CEP112: variants seen among roughly 807,000 people sequenced by gnomAD.
The protein encoded by CEP112 is centrosomal protein 112.
A neutral mutation model predicts 153.0 loss-of-function variants in CEP112; 127 were observed. That is an observed-to-expected ratio of 0.83 (90% CI 0.72 to 0.96). CEP112 has a LOEUF of 0.96. Ranked by LOEUF, CEP112 falls within the 40% of genes least tolerant of loss-of-function variation. The probability of loss-of-function intolerance (pLI) is 0.00; values close to 1 mark genes in which losing one functional copy is unlikely to be tolerated. For missense variants in CEP112, 1,089 were observed against 1,101.2 expected, an observed-to-expected ratio of 0.99 and a Z score of 0.16; for synonymous variants, 358 against 374.4, an observed-to-expected ratio of 0.96 and a Z score of 0.51.
At chr17:66,143,410 G>A (rs1363651816) in intron 4 of CEP112, among the ~76,000 whole-genome samples, 1 of 152,134 alleles carries the variant, frequency 6.6e-6, no homozygotes, top group African/African-American at 2.4e-5. Context: ...TTTGGGCAGT[G>A]CCTGAAAAAA....
intron 16 of CEP112, among the ~76,000 whole-genome samples, chr17:66,010,266 T>A (rs2064460214): frequency 6.6e-6 from 1 of 152,214 alleles, no homozygotes; most frequent in South Asian, 2.1e-4. Context: ...AGCTTGGGTG[T>A]TGCTGGTGTA....
chr17:66,029,868 C>A lies in CEP112; in HGVS notation c.1373+1G>T. 1.2e-6 allele frequency: 2 copies of A among 1,612,098 alleles called. No individual in the cohort carries two copies. The highest frequency in any genetic ancestry group is 1.7e-6 in the Non-Finnish European group (2 of 1,178,708). ...GATAAATATCTGATTTCAGACAATA[C>A]CTTGCCTTTACTTCTTGTAATTCAC... On this transcript the variant is annotated splice_donor_variant, in intron 13 of 26. Transcript: ENST00000535342. LOFTEE classifies it high-confidence loss of function.
chr17:65,786,023 T>C (rs948139362), intron 21 of CEP112, among the ~76,000 whole-genome samples: 1 of 152,242 alleles, frequency 6.6e-6, no homozygotes, highest in Admixed American at 6.5e-5. Context: ...AATACTGGCA[T>C]CTTAACAACG....
intron 18 of CEP112, among the ~76,000 whole-genome samples, chr17:65,960,334 TA>T (rs2062154129): frequency 3.3e-5 from 5 of 152,198 alleles, no homozygotes; most frequent in Admixed American, 1.3e-4. Context: ...AATCTGTTCA[TA>T]TTTATATAAT....
intron 6 of CEP112, among the ~76,000 whole-genome samples, chr17:66,110,683 A>G (rs184695341): frequency 6.6e-6 from 1 of 152,096 alleles, no homozygotes; most frequent in Admixed American, 6.5e-5. Context: ...AATGAAAAAA[A>G]AAAAAGCATA....
Position 66,067,237 on chromosome 17 carries a change from T to A in CEP112, c.856-360A>T, listed in dbSNP as rs2067157552. Among the ~76,000 whole-genome samples the A allele has an allele frequency of 3.3e-5, 5 of 152,194 alleles. 1 individual carries two copies. In the South Asian group the frequency reaches 1.0e-3, roughly 31 times the overall value. ...TTGGAAGCTTCCAAGTTGCCTGAAATCGTGAGACTTTCCTCCTTTTGACTA... is the reference window on the plus strand; with the variant it reads ...TTGGAAGCTTCCAAGTTGCCTGAAAACGTGAGACTTTCCTCCTTTTGACTA... On this transcript the variant is annotated intron_variant, in intron 9 of 26. Transcript: ENST00000535342.
intron 23 of CEP112, among the ~76,000 whole-genome samples, chr17:65,713,495 G>A (rs1182801317): frequency 1.3e-5 from 2 of 152,144 alleles, no homozygotes; most frequent in African/African-American, 4.8e-5. Context: ...TCTTGTGAAG[G>A]CAAAATTCAA....
chr17:66,168,256 C>A (rs2072065745), intron 4 of CEP112, among the ~76,000 whole-genome samples: 1 of 152,050 alleles, frequency 6.6e-6, no homozygotes, highest in Non-Finnish European at 1.5e-5. Context: ...AGATTCCCTG[C>A]ACACGAACAC....
At chr17:65,907,335 A>T (rs2060122047) in intron 19 of CEP112, among the ~76,000 whole-genome samples, 1 of 152,240 alleles carries the variant, frequency 6.6e-6, no homozygotes, top group African/African-American at 2.4e-5. Flanking sequence ...AATAGCGGTT[A>T]TCACATTTCA....
intron 1 of CEP112, 35 bp from the exon 2 acceptor site, chr17:66,183,342 TG>T: frequency 2.1e-6 from 3 of 1,427,478 alleles, no homozygotes; most frequent in Non-Finnish European, 2.9e-6. Context: ...ATTAAGGATT[TG>T]TATGCTGAAA....
At chr17:65,931,802 A>G (rs12185259) in intron 18 of CEP112, among the ~76,000 whole-genome samples, 72,872 of 152,162 alleles carry the variant, frequency 0.48, 18,457 homozygotes, top group East Asian at 0.89. Context: ...GTCCAATACA[A>G]TCTTAGCAGT....
At chr17:65,906,951 C>T (rs901660214) in intron 19 of CEP112, among the ~76,000 whole-genome samples, 5 of 152,180 alleles carry the variant, frequency 3.3e-5, no homozygotes, top group African/African-American at 7.2e-5. Flanking sequence ...GCATGTAACA[C>T]ACTGAAGGGA....
chr17:65,889,060 G>T (rs2059379921), intron 20 of CEP112, among the ~76,000 whole-genome samples: 4 of 152,132 alleles, frequency 2.6e-5, no homozygotes, highest in Admixed American at 2.0e-4. Flanking sequence ...GTTCTCTGTG[G>T]ACATGAAACC....
chr17:66,164,556 C>CAAA (rs11317339), intron 4 of CEP112, among the ~76,000 whole-genome samples: 9 of 104,564 alleles, frequency 8.6e-5, no homozygotes, highest in Admixed American at 8.3e-4. Context: ...AACTCTATCT[C>CAAA]AAAAAAAAAA....
intron 18 of CEP112, among the ~76,000 whole-genome samples, chr17:65,930,858 T>G (rs2061096123): frequency 6.6e-6 from 1 of 151,744 alleles, no homozygotes; most frequent in Non-Finnish European, 1.5e-5. Context: ...TCTTTTCATT[T>G]TTTTTTTTCA....
rs906928296 is a variant in CEP112 at position 65,646,005 on chromosome 17, T to C, written c.2698-4940A>G. Among the ~76,000 whole-genome samples, 8 of 152,272 alleles carry C rather than the reference T, an allele frequency of 5.3e-5. No homozygotes were observed. The Middle Eastern group carries it at 0.014, about 259-fold the overall frequency. The stretch of plus-strand genomic sequence containing the variant: ...CTATGTCCCTCAGTTTTCAAGTACT[T>C]TGGAGGTCACGGCCAAGTACTTAAG... On this transcript the variant is annotated intron_variant, in intron 24 of 26. Coordinates refer to ENST00000535342, the MANE Select transcript of CEP112 (RefSeq NM_001199165.4).
In CEP112 at chr17:65,899,592, T is replaced by C. The variant is rs117534670; in HGVS notation, c.2163+2560A>G. Reference sequence around the variant, plus strand: ...CCTTAAGGTTGGTAACTATACTTTATAATAATGATTTTCTAATCAGCATAC... The same window carrying C: ...CCTTAAGGTTGGTAACTATACTTTACAATAATGATTTTCTAATCAGCATAC... On this transcript the variant is annotated intron_variant, in intron 20 of 26. Transcript: ENST00000535342. 6.2e-4 allele frequency among the ~76,000 whole-genome samples: 94 copies of C among 152,260 alleles called. No individual in the cohort carries two copies. In the East Asian group the frequency reaches 0.016, roughly 27 times the overall value.
intron 21 of CEP112, among the ~76,000 whole-genome samples, chr17:65,776,231 C>T (rs2053666544): frequency 1.3e-5 from 2 of 151,144 alleles, no homozygotes; most frequent in African/African-American, 4.9e-5. Context: ...CATAGCTGCC[C>T]GCCCCCATCC....
At chr17:66,109,361 T>G (rs1235450989) in intron 6 of CEP112, among the ~76,000 whole-genome samples, 2 of 152,184 alleles carry the variant, frequency 1.3e-5, no homozygotes, top group Non-Finnish European at 2.9e-5. Context: ...ATATGCCTGT[T>G]ATCAAAATAT....
Sources: allele counts gnomAD v4.1 joint callset (sites outside exome capture counted in the v4.1 genomes callset), GRCh38; gene constraint gnomAD v4.1.1; transcripts MANE v1.5; gene names NCBI Gene and HGNC (gene_info 2026-07-23, HGNC 2026-07-21).